The following ASH1L variants were observed in gnomAD, a reference collection of about 807,000 sequenced individuals.
ASH1L encodes the protein histone-lysine N-methyltransferase ASH1L.
Under a neutral mutation model 269.0 loss-of-function variants are expected in ASH1L, and 23 were observed. The ratio of observed to expected loss-of-function variants is 0.09; its 90% CI spans 0.06 to 0.12. The LOEUF (loss-of-function observed/expected upper bound fraction) is 0.12, where lower values mean the gene tolerates loss of function less well. Ranked by LOEUF, ASH1L falls within the 10% of genes least tolerant of loss-of-function variation. ASH1L has a pLI of 1.00. For missense variants in ASH1L, 2,912 were observed against 3,567.8 expected (o/e 0.82, Z 4.68); for synonymous variants, 1,187 against 1,253.5 (o/e 0.95, Z 1.12).
chr1:155,525,267 A>C (rs1669171907), intron 1 of ASH1L, among the ~76,000 whole-genome samples: 1 of 152,050 alleles, frequency 6.6e-6, no homozygotes, highest in East Asian at 1.9e-4. Flanking sequence ...TTAAAAAAAT[A>C]AACTCTAAAA....
intron 2 of ASH1L, among the ~76,000 whole-genome samples, chr1:155,513,135 A>C (rs1398804633): frequency 6.6e-6 from 1 of 152,146 alleles, no homozygotes; most frequent in African/African-American, 2.4e-5. Context: ...GGATGGCTAT[A>C]ATTTTTTAAA....
chr1:155,476,399 GAATA>G (rs748129598), intron 3 of ASH1L, among the ~76,000 whole-genome samples: 38 of 151,716 alleles, frequency 2.5e-4, no homozygotes, highest in Admixed American at 2.2e-3. Flanking sequence ...ATAAAAAAAT[GAATA>G]AATAAATAAA....
intron 2 of ASH1L, among the ~76,000 whole-genome samples, chr1:155,487,030 T>C (rs1666372042): frequency 6.6e-6 from 1 of 152,120 alleles, no homozygotes; most frequent in Admixed American, 6.5e-5. Flanking sequence ...CCGGGTGTGG[T>C]AGCACATGCC....
At chr1:155,476,583 G>A (rs1035978465) in intron 3 of ASH1L, among the ~76,000 whole-genome samples, 1 of 149,818 alleles carries the variant, frequency 6.7e-6, no homozygotes, top group Non-Finnish European at 1.5e-5. Flanking sequence ...ATGGAGTCTC[G>A]CTCTGTTGCC....
upstream of ASH1L, chr1:155,562,977 G>A (rs1183247228): frequency 2.2e-6 from 1 of 457,602 alleles, no homozygotes; most frequent in Non-Finnish European, 4.4e-6. Flanking sequence ...CCTGTCGGCT[G>A]CAGGGGCAGG....
chr1:155,431,506 AT>A (rs1028160184), intron 5 of ASH1L, among the ~76,000 whole-genome samples: 3 of 151,952 alleles, frequency 2.0e-5, no homozygotes, highest in Non-Finnish European at 4.4e-5. Context: ...CACACCTGTA[AT>A]CTTAGCACTT....
intron 1 of ASH1L, among the ~76,000 whole-genome samples, chr1:155,536,242 G>A (rs1440539708): frequency 3.3e-5 from 5 of 152,056 alleles, no homozygotes; most frequent in African/African-American, 7.2e-5. Flanking sequence ...TGCCCAACCC[G>A]GCTTCCTGGA....
At chr1:155,557,560 G>A (rs1230573066) in intron 1 of ASH1L, among the ~76,000 whole-genome samples, 1 of 152,026 alleles carries the variant, frequency 6.6e-6, no homozygotes, top group African/African-American at 2.4e-5. Context: ...GATTACAGGT[G>A]TGAGCCACCA....
chr1:155,351,616 C>T (rs1012159017), intron 17 of ASH1L, among the ~76,000 whole-genome samples: 6 of 151,734 alleles, frequency 4.0e-5, no homozygotes, highest in Non-Finnish European at 7.4e-5. Flanking sequence ...TTTGGGAGGC[C>T]GAGGCAGGTG....
chr1:155,489,690 G>A (rs1242563885), intron 2 of ASH1L, among the ~76,000 whole-genome samples: 5 of 151,188 alleles, frequency 3.3e-5, no homozygotes, highest in African/African-American at 4.9e-5. Flanking sequence ...CCTGGGAGGC[G>A]GAGCTTGCGG....
chr1:155,385,598 TAA>T (rs774139388), intron 7 of ASH1L, among the ~76,000 whole-genome samples: 2 of 152,234 alleles, frequency 1.3e-5, no homozygotes, highest in Non-Finnish European at 2.9e-5. Flanking sequence ...GGTGTGGACA[TAA>T]ATTGTCTTCC....
intron 7 of ASH1L, among the ~76,000 whole-genome samples, chr1:155,381,231 CATT>C (rs1293945168): frequency 1.2e-4 from 18 of 152,206 alleles, no homozygotes; most frequent in Non-Finnish European, 2.4e-4. Context: ...TACTTTTCAT[CATT>C]ATTTTAGAGT....
chr1:155,562,878 G>C (rs747893665), upstream of ASH1L: 5 of 321,730 alleles, frequency 1.6e-5, no homozygotes, highest in African/African-American at 6.4e-5. Context: ...CCGCCGCCAC[G>C]GCCGCCGCCG....
In ASH1L at chr1:155,349,303, CTGTT is replaced by C. The variant is rs746078276; in HGVS notation, c.7554+20_7554+23del. 1.8e-5 allele frequency: 28 copies of C among 1,598,344 alleles called. No homozygotes were observed. The East Asian group carries it at 6.3e-4, about 36-fold the overall frequency. On this transcript the variant is annotated intron_variant, in intron 19 of 27. Coordinates refer to ENST00000392403, the MANE Select transcript of ASH1L (RefSeq NM_018489.3). ...TCTTTTCAGAACAAACTTGTGAAAT[CTGTT>C]TGAAGTCAGTGAAAAATACCTCAGC...
chr1:155,445,144 G>A (rs922173409), intron 4 of ASH1L, among the ~76,000 whole-genome samples: 2 of 152,076 alleles, frequency 1.3e-5, no homozygotes, highest in African/African-American at 4.8e-5. Context: ...ACCATTTGTT[G>A]AAAAGACTAT....
intron 5 of ASH1L, chr1:155,433,515 TG>T (rs969603111): frequency 6.2e-7 from 1 of 1,609,826 alleles, no homozygotes; most frequent in African/African-American, 1.3e-5. Flanking sequence ...GGCACCTCCC[TG>T]GAGCCCTGCA....
At chr1:155,461,947 G>T (rs1363601560) in intron 3 of ASH1L, among the ~76,000 whole-genome samples, 1 of 151,540 alleles carries the variant, frequency 6.6e-6, no homozygotes, top group Admixed American at 6.6e-5. Context: ...TACAGGCATG[G>T]GCCACCATGC....
chr1:155,408,075 T>C (rs1381287799), intron 6 of ASH1L, among the ~76,000 whole-genome samples: 2 of 152,184 alleles, frequency 1.3e-5, no homozygotes, highest in Admixed American at 6.6e-5. Flanking sequence ...CTGTCTTTGT[T>C]GAAGACTTGA....
chr1:155,530,994 A>C (rs1047572847), intron 1 of ASH1L, among the ~76,000 whole-genome samples: 2 of 151,872 alleles, frequency 1.3e-5, no homozygotes, highest in African/African-American at 4.8e-5. Flanking sequence ...CAATCAATCA[A>C]TCAATATTAA....
Sources: allele counts gnomAD v4.1 joint callset (sites outside exome capture counted in the v4.1 genomes callset), GRCh38; gene constraint gnomAD v4.1.1; transcripts MANE v1.5; gene names NCBI Gene and HGNC (gene_info 2026-07-23, HGNC 2026-07-21).